TP53BP1: variants seen among roughly 807,000 people sequenced by gnomAD.
TP53BP1 encodes tumor protein p53 binding protein 1.
A neutral mutation model predicts 200.8 loss-of-function variants in TP53BP1; 61 were observed. The ratio of observed to expected loss-of-function variants is 0.30; its 90% CI spans 0.25 to 0.38. TP53BP1 has a LOEUF of 0.38. Among genes scored for constraint, TP53BP1 ranks in the 10% least tolerant of loss-of-function variants. The probability of loss-of-function intolerance (pLI) is 1.00; values close to 1 mark genes in which losing one functional copy is unlikely to be tolerated. For missense variants in TP53BP1, 2,144 were observed against 2,371.9 expected (o/e 0.90, Z 2.00); for synonymous variants, 822 against 844.3 (o/e 0.97, Z 0.46).
intron 1 of TP53BP1, among the ~76,000 whole-genome samples, chr15:43,502,792 G>C (rs1366728366): frequency 6.6e-6 from 1 of 150,620 alleles, no homozygotes; most frequent in Non-Finnish European, 1.5e-5. Flanking sequence ...GTCTCACTTT[G>C]TCACTCCAGC....
intron 4 of TP53BP1, 49 bp from the exon 5 acceptor site, chr15:43,481,071 CT>C: frequency 1.2e-6 from 2 of 1,611,116 alleles, no homozygotes; most frequent in Non-Finnish European, 1.7e-6. Context: ...GTTTGGGACA[CT>C]TTAATCAGAG....
At chr15:43,458,885 A>T (rs1386714200) in intron 11 of TP53BP1, among the ~76,000 whole-genome samples, 2 of 152,184 alleles carry the variant, frequency 1.3e-5, no homozygotes, top group African/African-American at 4.8e-5. Flanking sequence ...AAAATGTTAC[A>T]CCCACTTTGG....
In TP53BP1 at chr15:43,476,352, A is replaced by C. The variant is rs2078881953; in HGVS notation, c.956-658T>G. 2.6e-5 allele frequency among the ~76,000 whole-genome samples: 4 copies of C among 152,358 alleles called. No individual in the cohort carries two copies. In the South Asian group the frequency reaches 6.2e-4, roughly 24 times the overall value. ...TCTTTCTTGTGATGCTTCTATTAAA[A>C]AACAGCAAATGAGCCTTTTATTCCA... is the stretch of plus-strand genomic sequence containing the variant. On this transcript the variant is annotated intron_variant, in intron 8 of 27. Coordinates refer to ENST00000382044, the MANE Select transcript of TP53BP1 (RefSeq NM_001141980.3).
intron 16 of TP53BP1, among the ~76,000 whole-genome samples, chr15:43,434,616 T>C (rs1413615713): frequency 6.6e-6 from 1 of 152,210 alleles, no homozygotes; most frequent in Non-Finnish European, 1.5e-5. Flanking sequence ...GAGAGCTCTC[T>C]TGCCCCCAAC....
intron 17 of TP53BP1, among the ~76,000 whole-genome samples, chr15:43,429,255 C>T (rs1487397094): frequency 2.0e-5 from 3 of 152,124 alleles, no homozygotes; most frequent in East Asian, 1.9e-4. Context: ...TTGAGACTTT[C>T]GGCCTTTATT....
chr15:43,464,048 T>G (rs190039423), intron 11 of TP53BP1, among the ~76,000 whole-genome samples: 4 of 152,280 alleles, frequency 2.6e-5, no homozygotes, highest in Non-Finnish European at 2.9e-5. Context: ...ATTATGGGAC[T>G]CCCAATAAAA....
Position 43,480,002 on chromosome 15 carries a change from T to A in TP53BP1, c.515A>T (p.Gln172Leu), listed in dbSNP as rs2078939788. The change falls in exon 6 of 28, where the codon CAG becomes CTG. Residue 172 changes from glutamine to leucine, a missense_variant. This residue lies in a region of TP53BP1 where 1,700 missense variants were observed against 1,710.3 expected (regional missense o/e 0.99). Transcript: ENST00000382044. ...GAGTTCCAGAACCCCAAAACCCAAC[T>A]GTGATGAGGCAGTATCTAGGAACAA... ...SLGAEDTASSQLGFGVLELSQ... is the reference protein window; with the variant it reads ...SLGAEDTASSLLGFGVLELSQ... 3.1e-6 allele frequency: 5 copies of A among 1,613,936 alleles called. No individual in the cohort carries two copies. The highest frequency in any genetic ancestry group is 4.2e-6 in the Non-Finnish European group (5 of 1,180,002).
At chr15:43,510,467 A>T (rs2079266979) in exon 1 of TP53BP1, 1 of 153,134 alleles carries the variant, frequency 6.5e-6, no homozygotes, top group Non-Finnish European at 1.4e-5. Context: ...GAAACCGAGG[A>T]TGGAGACCTC....
intron 15 of TP53BP1, among the ~76,000 whole-genome samples, chr15:43,440,530 A>C (rs1472425245): frequency 6.6e-6 from 1 of 151,240 alleles, no homozygotes; most frequent in African/African-American, 2.4e-5. Flanking sequence ...AAAAAACAAA[A>C]AAAAAACACT....
At chr15:43,461,280 T>C (rs1282080738) in intron 11 of TP53BP1, among the ~76,000 whole-genome samples, 1 of 151,972 alleles carries the variant, frequency 6.6e-6, no homozygotes. Context: ...AGTGCAGTAA[T>C]GCGATCATGG....
intron 19 of TP53BP1, 85 bp from the exon 20 acceptor site, chr15:43,421,259 T>C (rs879896140): frequency 1.4e-6 from 2 of 1,434,168 alleles, no homozygotes; most frequent in South Asian, 1.3e-5. Flanking sequence ...TCAGACTACA[T>C]GACAGGCCTA....
chr15:43,451,181 CT>C (rs964674673), intron 12 of TP53BP1, among the ~76,000 whole-genome samples: 107 of 146,194 alleles, frequency 7.3e-4, no homozygotes, highest in African/African-American at 2.0e-3. Context: ...TACTTTTTTT[CT>C]TTTTTTTTTT....
At chr15:43,473,072 G>A (rs894009002) in intron 10 of TP53BP1, among the ~76,000 whole-genome samples, 12 of 152,152 alleles carry the variant, frequency 7.9e-5, no homozygotes, top group Non-Finnish European at 1.3e-4. Flanking sequence ...TTAAGGCAGC[G>A]CGTCTAGAGT....
chr15:43,425,230 G>A (rs545078267), intron 18 of TP53BP1, among the ~76,000 whole-genome samples: 5 of 152,278 alleles, frequency 3.3e-5, no homozygotes, highest in Admixed American at 2.6e-4. Context: ...CTAAGAGAGC[G>A]TTTCATGTTT....
rs2045030590 is a variant in TP53BP1 at position 43,409,205 on chromosome 15, C to A, written c.5401-109G>T. ...CAGATCTGAAGACTCCCAACTACTACCCAAAATGTGATTTAGTCTATCCTG... is the reference window on the plus strand; with the variant it reads ...CAGATCTGAAGACTCCCAACTACTAACCAAAATGTGATTTAGTCTATCCTG... On this transcript the variant is annotated intron_variant, in intron 25 of 27. Transcript: ENST00000382044. 5.1e-6 allele frequency: 5 copies of A among 976,520 alleles called. No homozygotes were observed. In the African/African-American group the frequency reaches 8.0e-5, roughly 16 times the overall value. The allele number at this position is 976,520 out of a possible 1,614,324, so 60.5% of individuals were successfully genotyped here. A position where few individuals can be genotyped will look rare whatever the true frequency, so the allele number is the denominator to read the frequency against.
chr15:43,424,640 G>C (rs141481452), intron 18 of TP53BP1, among the ~76,000 whole-genome samples: 2,070 of 152,310 alleles, frequency 0.014, 21 homozygotes, highest in Non-Finnish European at 0.021. Flanking sequence ...GGAAAAAACA[G>C]GTATTACTTT....
At chr15:43,492,553 A>G in intron 1 of TP53BP1, 85 bp from the exon 2 acceptor site, 1 of 1,137,138 alleles carries the variant, frequency 8.8e-7, no homozygotes, top group East Asian at 2.4e-5. Context: ...GGGCGGAAGT[A>G]CAAGAGCTGG....
intron 4 of TP53BP1, among the ~76,000 whole-genome samples, chr15:43,486,492 T>C (rs1355423864): frequency 6.6e-6 from 1 of 152,202 alleles, no homozygotes; most frequent in Non-Finnish European, 1.5e-5. Context: ...AGTTTTACAA[T>C]AGTATTAGAG....
rs1407001815 is a variant in TP53BP1 at position 43,407,495 on chromosome 15, G to A, written c.5822C>T (p.Ala1941Val). Residue 1941 changes from alanine to valine, a missense_variant, in exon 28 of 28, where the codon GCA becomes GTA. Coordinates refer to ENST00000382044, the MANE Select transcript of TP53BP1 (RefSeq NM_001141980.3). ...TTGTGACACCACAGGCAGCTGCAAT[G>A]CTTCAGCACACTTCAGCACCGAGGC... ...CPASVLKCAE[A>V]LQLPVVSQEW... is the part of the protein sequence containing the mutation. 4.3e-6 allele frequency: 7 copies of A among 1,614,084 alleles called. No individual in the cohort carries two copies. The highest frequency in any genetic ancestry group is 5.1e-6 in the Non-Finnish European group (6 of 1,180,050).
Sources: allele counts gnomAD v4.1 joint callset (sites outside exome capture counted in the v4.1 genomes callset), GRCh38; gene constraint gnomAD v4.1.1; regional missense constraint gnomAD v4.1.1; transcripts MANE v1.5; gene names NCBI Gene and HGNC (gene_info 2026-07-23, HGNC 2026-07-21).